The following FBXL17 variants were observed in gnomAD, a reference collection of about 807,000 sequenced individuals.
The protein encoded by FBXL17 is F-box and leucine rich repeat protein 17.
In FBXL17, 22 loss-of-function variants were observed where a neutral mutation model predicts 66.2. The ratio of observed to expected loss-of-function variants is 0.33; its 90% CI spans 0.24 to 0.47. The LOEUF (loss-of-function observed/expected upper bound fraction) is 0.47, where lower values mean the gene tolerates loss of function less well. Ranked by LOEUF, FBXL17 falls within the 20% of genes least tolerant of loss-of-function variation. The probability of loss-of-function intolerance (pLI) is 1.00; values close to 1 mark genes in which losing one functional copy is unlikely to be tolerated. For missense variants in FBXL17, 878 were observed against 948.2 expected, an observed-to-expected ratio of 0.93 and a Z score of 0.97; for synonymous variants, 474 against 400.5, an observed-to-expected ratio of 1.18 and a Z score of -2.19.
At chr5:108,341,163 A>T (rs1056179566) in intron 4 of FBXL17, among the ~76,000 whole-genome samples, 4 of 152,156 alleles carry the variant, frequency 2.6e-5, no homozygotes, top group African/African-American at 9.7e-5. Flanking sequence ...AATACTAACA[A>T]TGAAAAAGAA....
At chr5:108,230,694 C>T (rs1399721534) in intron 4 of FBXL17, among the ~76,000 whole-genome samples, 2 of 143,426 alleles carry the variant, frequency 1.4e-5, no homozygotes, top group East Asian at 2.0e-4. Flanking sequence ...TAACTAAATA[C>T]CACCTGTTCC....
At chr5:108,243,439 G>A (rs1755951560) in intron 4 of FBXL17, among the ~76,000 whole-genome samples, 1 of 152,236 alleles carries the variant, frequency 6.6e-6, no homozygotes, top group East Asian at 1.9e-4. Flanking sequence ...GTAATGTTTA[G>A]AAAGCACTTT....
chr5:107,963,988 C>A (rs182977065), intron 7 of FBXL17, among the ~76,000 whole-genome samples: 1 of 152,190 alleles, frequency 6.6e-6, no homozygotes, highest in African/African-American at 2.4e-5. Flanking sequence ...ACAATGGAGA[C>A]CTAACACATT....
chr5:108,059,547 C>A (rs1462143021), intron 6 of FBXL17, among the ~76,000 whole-genome samples: 1 of 152,158 alleles, frequency 6.6e-6, no homozygotes, highest in Non-Finnish European at 1.5e-5. Flanking sequence ...AGTCCAGGGC[C>A]ACCAGGTGGA....
At chr5:108,086,030 C>T (rs1748957013) in intron 6 of FBXL17, among the ~76,000 whole-genome samples, 1 of 152,154 alleles carries the variant, frequency 6.6e-6, no homozygotes, top group Non-Finnish European at 1.5e-5. Flanking sequence ...CTGCCCCTAC[C>T]AAAATCATTC....
intron 6 of FBXL17, among the ~76,000 whole-genome samples, chr5:108,073,655 T>G (rs1348828230): frequency 6.6e-6 from 1 of 152,158 alleles, no homozygotes; most frequent in East Asian, 1.9e-4. Flanking sequence ...ATAAACAAGT[T>G]TCCCTGAAAA....
intron 4 of FBXL17, among the ~76,000 whole-genome samples, chr5:108,237,454 T>C (rs1359758250): frequency 2.0e-5 from 3 of 152,176 alleles, no homozygotes; most frequent in East Asian, 3.9e-4. Flanking sequence ...AAAAGCAAGT[T>C]TGAAGAGAGA....
At chr5:108,204,983 TTAC>T (rs1754056121) in intron 5 of FBXL17, among the ~76,000 whole-genome samples, 1 of 152,052 alleles carries the variant, frequency 6.6e-6, no homozygotes, top group Admixed American at 6.6e-5. Context: ...TGATCGAAAC[TTAC>T]TGCAGACTCT....
chr5:107,933,071 T>C (rs1236903543), intron 7 of FBXL17, among the ~76,000 whole-genome samples: 1 of 152,190 alleles, frequency 6.6e-6, no homozygotes, highest in African/African-American at 2.4e-5. Context: ...CTTGGCCATG[T>C]CACTTTAAAA....
intron 6 of FBXL17, among the ~76,000 whole-genome samples, chr5:108,089,834 T>C (rs1373121776): frequency 4.6e-5 from 7 of 152,176 alleles, no homozygotes; most frequent in Middle Eastern, 3.2e-3. Flanking sequence ...GTTGTTGTTG[T>C]TGTTTTGTAT....
intron 4 of FBXL17, among the ~76,000 whole-genome samples, chr5:108,336,463 A>G (rs1760387214): frequency 6.6e-6 from 1 of 152,172 alleles, no homozygotes; most frequent in African/African-American, 2.4e-5. Context: ...AAAAGAAAAG[A>G]GACTACACTT....
At position 108,282,913 on chromosome 5, in the gene FBXL17, CA is replaced by C. The variant is rs573589522; in HGVS notation, c.1507-58686del. ...TTGGCAATCCCTTTTATAATAGCAA[CA>C]AAAAAAAAAAACCTAGGAACATTTA... is the stretch of plus-strand genomic sequence containing the variant. On this transcript the variant is annotated intron_variant, in intron 4 of 8. Transcript: ENST00000542267. Among the ~76,000 whole-genome samples, 124 of 123,440 alleles carry C rather than the reference CA, an allele frequency of 1.0e-3. 1 individual carries two copies. Among genetic ancestry groups the C allele is most frequent in the East Asian group, 2.1e-3 (9 of 4,348 alleles). 81.0% of individuals were successfully genotyped at this position (123,440 alleles called of 152,430 possible).
chr5:108,078,145 T>C (rs114035435), intron 6 of FBXL17, among the ~76,000 whole-genome samples: 237 of 152,328 alleles, frequency 1.6e-3, no homozygotes, highest in African/African-American at 5.6e-3. Flanking sequence ...ACATCATATA[T>C]ACAGGCCTCG....
intron 6 of FBXL17, among the ~76,000 whole-genome samples, chr5:108,185,150 C>T (rs1194961274): frequency 2.0e-5 from 3 of 152,126 alleles, no homozygotes; most frequent in South Asian, 2.1e-4. Flanking sequence ...CTATTCATCA[C>T]GTGACTTCCA....
chr5:108,126,314 A>T (rs1413736833), intron 6 of FBXL17, among the ~76,000 whole-genome samples: 4 of 152,124 alleles, frequency 2.6e-5, no homozygotes, highest in African/African-American at 9.7e-5. Flanking sequence ...GAGGTCTTGT[A>T]GGTGAAACTA....
In FBXL17 at chr5:107,913,063, T is replaced by C. The variant is rs1387405334; in HGVS notation, c.1823-31884A>G. ...CTTTAAAAGTAGAGATCATATTTTA[T>C]TTATTTTTTTATCTTAACAATGATT... On this transcript the variant is annotated intron_variant, in intron 7 of 8. Coordinates refer to ENST00000542267, the MANE Select transcript of FBXL17 (RefSeq NM_001163315.3). 2.6e-5 allele frequency among the ~76,000 whole-genome samples: 4 copies of C among 152,074 alleles called. No individual in the cohort carries two copies. The South Asian group carries it at 8.3e-4, about 32-fold the overall frequency.
chr5:108,351,358 A>G (rs1747645085), intron 3 of FBXL17, among the ~76,000 whole-genome samples: 1 of 152,164 alleles, frequency 6.6e-6, no homozygotes, highest in Admixed American at 6.5e-5. Flanking sequence ...TAAGTTTTTT[A>G]AAAAATACAA....
chr5:108,320,675 T>G (rs2150217523), intron 4 of FBXL17, among the ~76,000 whole-genome samples: 1 of 151,926 alleles, frequency 6.6e-6, no homozygotes, highest in Middle Eastern at 3.4e-3. Flanking sequence ...TTGCTCCAAT[T>G]AGATATCAGT....
intron 4 of FBXL17, among the ~76,000 whole-genome samples, chr5:108,328,356 G>A (rs1012708261): frequency 3.9e-5 from 6 of 152,136 alleles, no homozygotes; most frequent in Middle Eastern, 3.4e-3. Flanking sequence ...TAGGAATGGA[G>A]ATGAAGAGAA....
Sources: allele counts gnomAD v4.1 joint callset (sites outside exome capture counted in the v4.1 genomes callset), GRCh38; gene constraint gnomAD v4.1.1; transcripts MANE v1.5; gene names NCBI Gene and HGNC (gene_info 2026-07-23, HGNC 2026-07-21).